The following DLG2 variants were observed in gnomAD, a reference collection of about 807,000 sequenced individuals.
DLG2 encodes disks large homolog 2.
A neutral mutation model predicts 132.5 loss-of-function variants in DLG2; 45 were observed. The ratio of observed to expected loss-of-function variants is 0.34; its 90% confidence interval spans 0.27 to 0.44. The LOEUF is 0.44. Among genes scored for constraint, DLG2 ranks in the 20% least tolerant of loss-of-function variants. DLG2 has a pLI of 1.00. For missense variants in DLG2, 1,045 were observed against 1,196.9 expected (o/e 0.87, Z 1.87); for synonymous variants, 424 against 419.6 (o/e 1.01, Z -0.13).
intron 7 of DLG2, among the ~76,000 whole-genome samples, chr11:84,313,422 A>G (rs1009105552): frequency 5.3e-5 from 8 of 151,828 alleles, no homozygotes; most frequent in African/African-American, 1.9e-4. Context: ...CCTGTTTACT[A>G]TAATATTATA....
At chr11:83,651,416 G>A (rs2116479) in intron 18 of DLG2, among the ~76,000 whole-genome samples, 21,500 of 152,080 alleles carry the variant, frequency 0.14, 3,849 homozygotes, top group African/African-American at 0.42. Context: ...TGGGTGACAG[G>A]GTGAAACTGT....
chr11:84,665,903 A>T lies in DLG2; in HGVS notation c.358-131172T>A, dbSNP rs73513115. ...AGTAAAAGAAGATGTGGGAATAGGT[A>T]AGCATTCTCTTAGTCTACAGTTTTA... On this transcript the variant is annotated intron_variant, in intron 6 of 27. Coordinates refer to ENST00000376104, the MANE Select transcript of DLG2 (RefSeq NM_001142699.3). 1.4e-3 allele frequency among the ~76,000 whole-genome samples: 220 copies of T among 152,282 alleles called. 1 individual carries two copies. Among genetic ancestry groups the T allele is most frequent in the African/African-American group, 5.1e-3 (212 of 41,570 alleles).
At chr11:83,639,819 G>T (rs1237044156) in intron 18 of DLG2, among the ~76,000 whole-genome samples, 1 of 151,792 alleles carries the variant, frequency 6.6e-6, no homozygotes, top group Non-Finnish European at 1.5e-5. Flanking sequence ...ATGTTAGAAG[G>T]CCAGCTTTTA....
chr11:84,837,942 A>C (rs549400103), intron 6 of DLG2, among the ~76,000 whole-genome samples: 1 of 151,944 alleles, frequency 6.6e-6, no homozygotes, highest in African/African-American at 2.4e-5. Flanking sequence ...TCACCGAATC[A>C]GAAACTCAGT....
At chr11:84,363,573 G>T (rs1196640623) in intron 7 of DLG2, among the ~76,000 whole-genome samples, 1 of 151,712 alleles carries the variant, frequency 6.6e-6, no homozygotes, top group South Asian at 2.1e-4. Flanking sequence ...TTTTAGACAT[G>T]AAGTCCTTGC....
intron 6 of DLG2, among the ~76,000 whole-genome samples, chr11:84,930,300 C>A (rs1343252046): frequency 6.6e-6 from 1 of 152,076 alleles, no homozygotes; most frequent in Non-Finnish European, 1.5e-5. Flanking sequence ...TTCATCTCAA[C>A]CCCACATTAA....
intron 6 of DLG2, among the ~76,000 whole-genome samples, chr11:84,771,119 C>T (rs1265446785): frequency 6.6e-6 from 1 of 152,074 alleles, no homozygotes; most frequent in East Asian, 1.9e-4. Flanking sequence ...ATTTATATTC[C>T]TTTGGGTATA....
chr11:85,272,131 C>T (rs941707125), intron 4 of DLG2, among the ~76,000 whole-genome samples: 20 of 152,246 alleles, frequency 1.3e-4, no homozygotes, highest in South Asian at 2.1e-4. Flanking sequence ...CTTTCCCATG[C>T]TATTCTCATG....
chr11:83,508,403 A>T (rs867869253), intron 21 of DLG2, among the ~76,000 whole-genome samples: 1 of 80,200 alleles, frequency 1.2e-5, no homozygotes, highest in Non-Finnish European at 2.2e-5. Context: ...CGCCTGGCTA[A>T]TTTTTTTTTT....
chr11:84,090,440 A>G (rs957894735), intron 10 of DLG2, among the ~76,000 whole-genome samples: 1 of 150,230 alleles, frequency 6.7e-6, no homozygotes, highest in Non-Finnish European at 1.5e-5. Context: ...AAAAAAAGAT[A>G]GATAATGCTA....
intron 12 of DLG2, among the ~76,000 whole-genome samples, chr11:83,973,966 G>C (rs1225231734): frequency 6.6e-6 from 1 of 151,942 alleles, no homozygotes; most frequent in Admixed American, 6.6e-5. Flanking sequence ...TTCTAACTGA[G>C]TTCTAACTTT....
intron 6 of DLG2, among the ~76,000 whole-genome samples, chr11:85,001,529 T>G (rs913636262): frequency 6.6e-6 from 1 of 152,022 alleles, no homozygotes; most frequent in Non-Finnish European, 1.5e-5. Context: ...AAAATATGAG[T>G]GACATGGATG....
intron 6 of DLG2, among the ~76,000 whole-genome samples, chr11:85,082,431 C>T (rs184805715): frequency 2.0e-5 from 3 of 151,974 alleles, no homozygotes; most frequent in East Asian, 3.9e-4. Context: ...CCTCCCAAAG[C>T]CAACAAGGTT....
intron 26 of DLG2, among the ~76,000 whole-genome samples, chr11:83,463,654 G>A (rs150498335): frequency 0.014 from 2,130 of 152,196 alleles, 27 homozygotes; most frequent in Middle Eastern, 0.041. Context: ...AGCTGGGTAT[G>A]GTGGCACATA....
intron 3 of DLG2, among the ~76,000 whole-genome samples, chr11:85,574,873 G>A (rs947458758): frequency 2.6e-5 from 4 of 152,026 alleles, no homozygotes; most frequent in African/African-American, 7.2e-5. Flanking sequence ...CCAGTTTCAG[G>A]TATTCCTTTA....
intron 11 of DLG2, among the ~76,000 whole-genome samples, chr11:84,053,084 T>C (rs117643997): frequency 0.017 from 2,555 of 151,982 alleles, 27 homozygotes; most frequent in Non-Finnish European, 0.025. Context: ...TATGCAGCCA[T>C]AAAAAAGGAA....
chr11:83,929,266 T>C (rs1347031000), intron 15 of DLG2, among the ~76,000 whole-genome samples: 1 of 152,164 alleles, frequency 6.6e-6, no homozygotes, highest in Non-Finnish European at 1.5e-5. Context: ...CCTCTTGATA[T>C]ATCCATCTTC....
intron 3 of DLG2, among the ~76,000 whole-genome samples, chr11:85,464,846 A>C (rs1028508280): frequency 1.3e-5 from 2 of 151,592 alleles, no homozygotes; most frequent in African/African-American, 4.8e-5. Flanking sequence ...AGGCCGAGGC[A>C]GGTGAATCAC....
chr11:85,079,052 A>G (rs1416770888), intron 6 of DLG2, among the ~76,000 whole-genome samples: 1 of 151,956 alleles, frequency 6.6e-6, no homozygotes, highest in African/African-American at 2.4e-5. Flanking sequence ...CAATCAATAC[A>G]TATAAGTGGT....
Sources: gnomAD v4.1 joint callset for allele counts (sites outside exome capture counted in the v4.1 genomes callset) on GRCh38, gnomAD v4.1.1 for gene constraint, MANE v1.5 for transcripts, NCBI Gene and HGNC (gene_info 2026-07-23, HGNC 2026-07-21) for gene names.